The following SERPINE3 variants were observed in gnomAD, a reference collection of about 807,000 sequenced individuals.
The protein encoded by SERPINE3 is serpin family E member 3, also known as serpin E3.
A neutral mutation model predicts 41.7 loss-of-function variants in SERPINE3; 43 were observed. The ratio of observed to expected loss-of-function variants is 1.03; its 90% CI spans 0.81 to 1.33. The LOEUF (loss-of-function observed/expected upper bound fraction) is 1.33. SERPINE3 is among the 40% of genes most tolerant of loss of function. The pLI, the probability that SERPINE3 is intolerant of heterozygous loss-of-function variation, is 0.00. For synonymous variants in SERPINE3, 200 were observed against 192.2 expected (o/e 1.04, Z -0.34); for missense variants, 440 against 491.7 (o/e 0.89, Z 0.99).
chr13:51,352,691 T>C (rs1251874452), intron 6 of SERPINE3, among the ~76,000 whole-genome samples: 1 of 152,116 alleles, frequency 6.6e-6, no homozygotes, highest in Non-Finnish European at 1.5e-5. Context: ...TTTTCAGTCT[T>C]TTACTGTAAT....
Position 51,343,358 on chromosome 13 carries a change from G to A in SERPINE3, c.257-894G>A, listed in dbSNP as rs1347341022. On this transcript the variant is annotated intron_variant, in intron 3 of 9. Transcript: ENST00000681248. ...GTCAGGAATGAGAAGCTTGGGGTAC[G>A]CCACTGTGTCTGGACTCACCAGTGG... Among the ~76,000 whole-genome samples, 5 of 152,308 alleles carry A rather than the reference G, an allele frequency of 3.3e-5. No homozygotes were observed. In the East Asian group the frequency reaches 7.7e-4, roughly 23 times the overall value.
chr13:51,345,552 G>T (rs111664923), intron 4 of SERPINE3, among the ~76,000 whole-genome samples: 1 of 131,384 alleles, frequency 7.6e-6, no homozygotes, highest in African/African-American at 2.8e-5. Context: ...CTGAGACTGC[G>T]TCACTGCACT....
intron 4 of SERPINE3, among the ~76,000 whole-genome samples, chr13:51,345,592 C>CAAAAAAA (rs753888958): frequency 1.9e-4 from 7 of 37,030 alleles, no homozygotes; most frequent in Non-Finnish European, 2.8e-4. Context: ...GATTTCATCT[C>CAAAAAAA]AAAAAAAAAA....
intron 3 of SERPINE3, among the ~76,000 whole-genome samples, chr13:51,343,026 G>A (rs1955309696): frequency 6.6e-6 from 1 of 152,054 alleles, no homozygotes; most frequent in Admixed American, 6.5e-5. Flanking sequence ...CGTTTGGCTG[G>A]GGACCCTGGC....
At chr13:51,342,096 C>T (rs1404969352) in intron 3 of SERPINE3, among the ~76,000 whole-genome samples, 1 of 151,204 alleles carries the variant, frequency 6.6e-6, no homozygotes, top group Non-Finnish European at 1.5e-5. Flanking sequence ...AACCAATCTA[C>T]CAACTCCAGC....
At position 51,344,241 on chromosome 13, in the gene SERPINE3, G is replaced by T; in HGVS notation, c.257-11G>T. On this transcript the variant is annotated splice_polypyrimidine_tract_variant and intron_variant, in intron 3 of 9. Transcript: ENST00000681248. ...CACCATTGTCAACTTATCCCAACTT[G>T]TTTTTCACAGACAAAAGGGTGAAAG... 6.2e-7 allele frequency: 1 copy of T among 1,609,320 alleles called. No individual in the cohort carries two copies. The highest frequency in any genetic ancestry group is 8.5e-7 in the Non-Finnish European group (1 of 1,175,936).
In SERPINE3 at chr13:51,344,277, T is replaced by C. The variant is rs143078568; in HGVS notation, c.282T>C (p.His94=). 2,279 of 1,613,938 alleles carry C rather than the reference T, an allele frequency of 1.4e-3. 11 individuals carry two copies. Among genetic ancestry groups the C allele is most frequent in the South Asian group, 7.0e-3 (634 of 91,070 alleles). The change falls in exon 4 of 10, where the codon CAT becomes CAC. Residue 94 remains histidine (H), a synonymous_variant. Coordinates refer to ENST00000681248, the MANE Select transcript of SERPINE3 (RefSeq NM_001386375.1). ...VHDKRVKDFL[H]AVYATLPTSS... ...ACAAAAGGGTGAAAGATTTCTTGCA[T>C]GCTGTTTATGCCACACTACCCACCT...
At chr13:51,341,985 ATT>A (rs1213917731) in intron 3 of SERPINE3, among the ~76,000 whole-genome samples, 2 of 152,092 alleles carry the variant, frequency 1.3e-5, no homozygotes, top group Non-Finnish European at 2.9e-5. Context: ...TGGATTATGT[ATT>A]TTAGAGCGGC....
At chr13:51,358,129 C>A (rs1348671549) in intron 7 of SERPINE3, among the ~76,000 whole-genome samples, 1 of 152,086 alleles carries the variant, frequency 6.6e-6, no homozygotes, top group Non-Finnish European at 1.5e-5. Context: ...TTAGCACTCT[C>A]TCTCCCTCTC....
chr13:51,348,273 G>T lies in SERPINE3; in HGVS notation c.761G>T (p.Ser254Ile). 6.2e-7 allele frequency: 1 copy of T among 1,610,162 alleles called. No homozygotes were observed. The highest frequency in any genetic ancestry group is 8.5e-7 in the Non-Finnish European group (1 of 1,178,428). The change falls in exon 6 of 10, where the codon AGT becomes ATT. Residue 254 changes from serine to isoleucine, a missense_variant. Transcript: ENST00000681248. ...GTGCTGGAGCTTCCTTACCTGGGAA[G>T]TGCAGTGAGTCTGTTCCTGGTGCTG... ...VGVLELPYLG[S>I]AVSLFLVLPR... is the part of the protein sequence containing the mutation.
At position 51,341,371 on chromosome 13, in the gene SERPINE3, A is replaced by T. The variant is rs1438353681; in HGVS notation, c.256+24A>T. 1.9e-6 allele frequency: 3 copies of T among 1,558,148 alleles called. No homozygotes were observed. The African/African-American group carries it at 4.1e-5, about 21-fold the overall frequency. On this transcript the variant is annotated intron_variant, in intron 3 of 9. Transcript: ENST00000681248. ...TGGTAAGAGGCCTGCCCACGTGCAC[A>T]CTCACTTACCCTCCTGTTCACACTC...
intron 7 of SERPINE3, among the ~76,000 whole-genome samples, chr13:51,359,976 C>T (rs1038745136): frequency 1.3e-5 from 2 of 152,044 alleles, no homozygotes; most frequent in African/African-American, 2.4e-5. Context: ...ATTTTTACTT[C>T]CTCTGGCCCT....
chr13:51,364,421 A>T lies in SERPINE3; in HGVS notation c.*139A>T. On this transcript the variant is annotated 3_prime_UTR_variant, in exon 10 of 10. Coordinates refer to ENST00000681248, the MANE Select transcript of SERPINE3 (RefSeq NM_001386375.1). Reference sequence around the variant, plus strand: ...TGATTTTCAATATTATAAACCTAAAAATACTTCAGTTTTTAAATGTTATAA... The same window carrying T: ...TGATTTTCAATATTATAAACCTAAATATACTTCAGTTTTTAAATGTTATAA... 6.2e-6 allele frequency: 3 copies of T among 486,158 alleles called. No homozygotes were observed. The highest frequency in any genetic ancestry group is 1.1e-5 in the Non-Finnish European group (3 of 280,308). 30.1% of individuals were successfully genotyped at this position (486,158 alleles called of 1,614,324 possible).
At chr13:51,351,470 T>A (rs757178285) in intron 6 of SERPINE3, among the ~76,000 whole-genome samples, 1 of 152,170 alleles carries the variant, frequency 6.6e-6, no homozygotes. Context: ...CAGAGGTTTT[T>A]CCCATATTTA....
At chr13:51,355,227 G>C (rs2137805674) in intron 7 of SERPINE3, 84 bp downstream of exon 7, 1 of 523,200 alleles carries the variant, frequency 1.9e-6, no homozygotes. Context: ...TCTCATTTCA[G>C]AGTCAACATT....
intron 8 of SERPINE3, 69 bp downstream of exon 8, chr13:51,361,433 T>A: frequency 1.1e-6 from 1 of 927,838 alleles, no homozygotes; most frequent in Non-Finnish European, 1.7e-6. Flanking sequence ...CCTAGTTGAA[T>A]CTTCACACTT....
intron 3 of SERPINE3, among the ~76,000 whole-genome samples, chr13:51,344,041 T>C (rs931121035): frequency 3.3e-5 from 5 of 152,352 alleles, no homozygotes; most frequent in Admixed American, 3.3e-4. Context: ...ATATCTAGCA[T>C]GGTTTCTTCC....
chr13:51,361,550 T>G, intron 8 of SERPINE3, 186 bp downstream of exon 8: 1 of 591,068 alleles, frequency 1.7e-6, no homozygotes. Flanking sequence ...AGAAGAGATA[T>G]CCATCCCATA....
rs369290292 is a variant in SERPINE3 at position 51,341,230 on chromosome 13, G to T, written c.139G>T (p.Glu47Ter). Residue 47 changes from glutamate to a stop codon, truncating the protein, a stop_gained, in exon 3 of 10, where the codon GAG becomes TAG. Coordinates refer to ENST00000681248, the MANE Select transcript of SERPINE3 (RefSeq NM_001386375.1). LOFTEE classifies it high-confidence loss of function. ...LYQSVAACRN[E>*]TNFVISPAGV... ...CCAGAGTGTGGCCGCGTGTAGAAAT[G>T]AGACGAACTTTGTCATCTCTCCTGC... 29 of 1,613,980 alleles carry T rather than the reference G, an allele frequency of 1.8e-5. No homozygotes were observed. The highest frequency in any genetic ancestry group is 2.1e-5 in the Non-Finnish European group (25 of 1,179,868).
Sources: gnomAD v4.1 joint callset for allele counts (sites outside exome capture counted in the v4.1 genomes callset) on GRCh38, gnomAD v4.1.1 for gene constraint, MANE v1.5 for transcripts, NCBI Gene and HGNC (gene_info 2026-07-23, HGNC 2026-07-21) for gene names.